Variants in ATP8A1 observed in about 807,000 individuals in gnomAD.
The protein encoded by ATP8A1 is ATPase phospholipid transporting 8A1.
ATP8A1 carries 90 observed loss-of-function variants against 177.7 expected under a neutral mutation model. The ratio of observed to expected loss-of-function variants is 0.51; its 90% CI spans 0.43 to 0.60. The LOEUF (loss-of-function observed/expected upper bound fraction) is 0.60. Ranked by LOEUF, ATP8A1 falls within the 20% of genes least tolerant of loss-of-function variation. ATP8A1 has a pLI of 0.00. For synonymous variants in ATP8A1, 493 were observed against 485.9 expected (o/e 1.01, Z -0.19); for missense variants, 1,072 against 1,392.8 (o/e 0.77, Z 3.67).
intron 20 of ATP8A1, among the ~76,000 whole-genome samples, chr4:42,529,492 A>G (rs891595568): frequency 6.6e-6 from 1 of 152,276 alleles, no homozygotes; most frequent in Non-Finnish European, 1.5e-5. Context: ...TGCATCATCA[A>G]ATTGAAGTGG....
chr4:42,628,946 C>T (rs1738418284), intron 1 of ATP8A1, among the ~76,000 whole-genome samples: 3 of 152,158 alleles, frequency 2.0e-5, no homozygotes, highest in Admixed American at 1.3e-4. Context: ...AGGGCCCCGC[C>T]CTTGGATGTC....
chr4:42,498,025 T>C (rs1407907998), intron 24 of ATP8A1, among the ~76,000 whole-genome samples: 1 of 152,212 alleles, frequency 6.6e-6, no homozygotes, highest in Non-Finnish European at 1.5e-5. Flanking sequence ...GCTTTGCTAA[T>C]GGTAAAAGAA....
intron 24 of ATP8A1, among the ~76,000 whole-genome samples, chr4:42,500,859 A>T (rs951612854): frequency 2.0e-5 from 3 of 151,938 alleles, no homozygotes; most frequent in African/African-American, 4.8e-5. Flanking sequence ...CTGAAGAGTT[A>T]TTTTTTTTAA....
In ATP8A1 at chr4:42,555,212, C is replaced by G. The variant is rs1283927668; in HGVS notation, c.1413+756G>C. Reference sequence around the variant, plus strand: ...TATCTATCTATCCTATTAGTTCTGCCCCCCCCTAGAGAACCCTAATACAGT... The same window carrying G: ...TATCTATCTATCCTATTAGTTCTGCGCCCCCCTAGAGAACCCTAATACAGT... On this transcript the variant is annotated intron_variant, in intron 16 of 36. Coordinates refer to ENST00000381668, the MANE Select transcript of ATP8A1 (RefSeq NM_006095.2). Among the ~76,000 whole-genome samples, 6 of 124,328 alleles carry G rather than the reference C, an allele frequency of 4.8e-5. No individual in the cohort carries two copies. In the South Asian group the frequency reaches 1.0e-3, roughly 21 times the overall value. 81.6% of individuals were successfully genotyped at this position (124,328 alleles called of 152,430 possible).
At chr4:42,600,572 A>G in intron 5 of ATP8A1, 54 bp from the exon 6 acceptor site, 1 of 1,510,304 alleles carries the variant, frequency 6.6e-7, no homozygotes, top group Non-Finnish European at 9.0e-7. Flanking sequence ...TGAAAAGGCC[A>G]TTTCTGATGA....
At chr4:42,652,455 TATTA>T (rs1478262610) in intron 1 of ATP8A1, among the ~76,000 whole-genome samples, 2 of 152,366 alleles carry the variant, frequency 1.3e-5, no homozygotes, top group East Asian at 3.9e-4. Context: ...CATGGTAACT[TATTA>T]ATATTAGAAT....
chr4:42,510,704 C>T (rs1271723471), intron 22 of ATP8A1, among the ~76,000 whole-genome samples: 1 of 152,074 alleles, frequency 6.6e-6, no homozygotes, highest in Non-Finnish European at 1.5e-5. Flanking sequence ...TTTTCTGTCT[C>T]TACTCTAAGG....
intron 25 of ATP8A1, among the ~76,000 whole-genome samples, chr4:42,467,904 T>C (rs1719963959): frequency 6.6e-6 from 1 of 152,190 alleles, no homozygotes; most frequent in Non-Finnish European, 1.5e-5. Flanking sequence ...GGATATTTGT[T>C]CTTTGTTGGA....
intron 15 of ATP8A1, among the ~76,000 whole-genome samples, chr4:42,568,282 T>C (rs1731555600): frequency 6.6e-6 from 1 of 152,180 alleles, no homozygotes; most frequent in South Asian, 2.1e-4. Context: ...AAATTCCCTG[T>C]TGAAAAATAT....
intron 5 of ATP8A1, among the ~76,000 whole-genome samples, chr4:42,613,282 C>T (rs1034820830): frequency 2.0e-5 from 3 of 152,116 alleles, no homozygotes; most frequent in African/African-American, 7.2e-5. Context: ...CAACTACCAA[C>T]ATAAAAGCCA....
At chr4:42,414,393 A>G (rs1178803200) in intron 36 of ATP8A1, among the ~76,000 whole-genome samples, 2 of 152,242 alleles carry the variant, frequency 1.3e-5, no homozygotes. Context: ...AGGAATGTGG[A>G]AATACTGTTT....
At chr4:42,607,210 TTG>T (rs1163868200) in intron 5 of ATP8A1, among the ~76,000 whole-genome samples, 1 of 152,168 alleles carries the variant, frequency 6.6e-6, no homozygotes, top group Non-Finnish European at 1.5e-5. Flanking sequence ...TACTGTGTTC[TTG>T]AAATACAAAA....
intron 4 of ATP8A1, among the ~76,000 whole-genome samples, chr4:42,619,465 T>C (rs543059858): frequency 7.8e-4 from 119 of 152,270 alleles, no homozygotes; most frequent in African/African-American, 2.7e-3. Context: ...CAAGTATGTG[T>C]GTTATTTGTT....
chr4:42,596,586 G>T (rs1215373600), intron 6 of ATP8A1, among the ~76,000 whole-genome samples: 1 of 147,606 alleles, frequency 6.8e-6, no homozygotes, highest in Admixed American at 6.9e-5. Flanking sequence ...AGAAACGTTT[G>T]AACCCAGGAG....
chr4:42,520,250 T>C (rs1725977520), intron 22 of ATP8A1, among the ~76,000 whole-genome samples: 1 of 152,122 alleles, frequency 6.6e-6, no homozygotes, highest in Non-Finnish European at 1.5e-5. Context: ...TTCAAATAGA[T>C]TTTTTTATTC....
At chr4:42,575,444 T>G (rs1732347507) in intron 13 of ATP8A1, among the ~76,000 whole-genome samples, 178 bp downstream of exon 13, 1 of 152,242 alleles carries the variant, frequency 6.6e-6, no homozygotes, top group South Asian at 2.1e-4. Context: ...CTTGAGACAG[T>G]GTTTTTAAAA....
chr4:42,471,775 C>T, intron 25 of ATP8A1: 1 of 426,806 alleles, frequency 2.3e-6, no homozygotes, highest in Non-Finnish European at 4.4e-6. Context: ...TGGTAGCAAG[C>T]TCTTCCTAGG....
intron 5 of ATP8A1, among the ~76,000 whole-genome samples, chr4:42,604,283 A>C (rs1273283929): frequency 6.6e-6 from 1 of 152,188 alleles, no homozygotes; most frequent in Non-Finnish European, 1.5e-5. Context: ...TAGAACACTT[A>C]TCACAGCATC....
At chr4:42,541,233 T>A (rs1217531712) in intron 20 of ATP8A1, among the ~76,000 whole-genome samples, 2 of 152,132 alleles carry the variant, frequency 1.3e-5, no homozygotes, top group African/African-American at 4.8e-5. Context: ...AGATACCTCA[T>A]CACAGAAGAC....
Sources: allele counts gnomAD v4.1 joint callset (sites outside exome capture counted in the v4.1 genomes callset), GRCh38; gene constraint gnomAD v4.1.1; transcripts MANE v1.5; gene names NCBI Gene and HGNC (gene_info 2026-07-23, HGNC 2026-07-21).